KCNC3: variants seen among roughly 807,000 people sequenced by gnomAD.
KCNC3 encodes potassium voltage-gated channel subfamily C member 3, also known as voltage-gated potassium channel KCNC3.
Under a neutral mutation model 43.9 loss-of-function variants are expected in KCNC3, and 22 were observed. The observed-to-expected ratio is 0.50, with a 90% confidence interval of 0.36 to 0.72. The LOEUF is 0.72. Among genes scored for constraint, KCNC3 ranks in the 30% least tolerant of loss-of-function variants. The probability of loss-of-function intolerance (pLI) is 0.00; values close to 1 mark genes in which losing one functional copy is unlikely to be tolerated. For missense variants in KCNC3, 829 were observed against 1,073.8 expected, an observed-to-expected ratio of 0.77 and a Z score of 3.19; for synonymous variants, 492 against 488.0, an observed-to-expected ratio of 1.01 and a Z score of -0.11.
intron 4 of KCNC3, among the ~76,000 whole-genome samples, chr19:50,319,437 C>T (rs1356393665): frequency 1.3e-5 from 2 of 152,126 alleles, no homozygotes; most frequent in East Asian, 1.9e-4. Context: ...CCTCTCAGCC[C>T]GGTGCCTGCC....
intron 4 of KCNC3, among the ~76,000 whole-genome samples, chr19:50,316,532 G>A (rs1258236850): frequency 1.3e-5 from 2 of 152,116 alleles, no homozygotes; most frequent in African/African-American, 4.8e-5. Flanking sequence ...CTTGAGTCCA[G>A]GAGTTCGAGA....
rs1243979135 is a variant in KCNC3 at position 50,320,842 on chromosome 19, C to T, written c.1979-58G>A. ...AGGAGAGAGTGAGGTGCGGTGAACACGCGGTGGGGCAAGATGTCTGCGAGG... is the reference window on the plus strand; with the variant it reads ...AGGAGAGAGTGAGGTGCGGTGAACATGCGGTGGGGCAAGATGTCTGCGAGG... On this transcript the variant is annotated intron_variant, in intron 2 of 4. Transcript: ENST00000477616. 1.2e-5 allele frequency: 18 copies of T among 1,535,164 alleles called. No individual in the cohort carries two copies. In the Admixed American group the frequency reaches 1.4e-4, roughly 12 times the overall value.
intron 1 of KCNC3, among the ~76,000 whole-genome samples, chr19:50,326,479 C>T (rs551139808): frequency 6.6e-6 from 1 of 152,176 alleles, no homozygotes; most frequent in South Asian, 2.1e-4. Context: ...CTCCAGGCGT[C>T]CCCCCGCTCC....
In KCNC3 at chr19:50,328,607, G is replaced by T; in HGVS notation, c.476C>A (p.Pro159Gln). Residue 159 changes from proline (P) to glutamine (Q), a missense_variant, in exon 1 of 5, where the codon CCA becomes CAA. Physicochemically the swap from Pro to Gln is moderately conservative, Grantham distance 76 (BLOSUM62 -1). Coordinates refer to ENST00000477616, the MANE Select transcript of KCNC3 (RefSeq NM_004977.3). ...NYYRTGKLHCPADVCGPLFEE... is the reference protein window; with the variant it reads ...NYYRTGKLHCQADVCGPLFEE... ...AAACAGGGGCCCGCACACGTCGGCT[G>T]GGCAGTGCAGCTTGCCGGTGCGGTA... The T allele has an allele frequency of 6.2e-7, 1 of 1,611,426 alleles. No individual in the cohort carries two copies. The highest frequency in any genetic ancestry group is 8.5e-7 in the Non-Finnish European group (1 of 1,179,494).
At chr19:50,320,066 G>T (rs2037006723) in intron 4 of KCNC3, among the ~76,000 whole-genome samples, 157 bp downstream of exon 4, 1 of 144,544 alleles carries the variant, frequency 6.9e-6, no homozygotes, top group Non-Finnish European at 1.5e-5. Flanking sequence ...GGTGGGTGTG[G>T]GGTCAGTGTC....
In KCNC3 at chr19:50,323,869, C is replaced by T. The variant is rs1289747344; in HGVS notation, c.1084G>A (p.Glu362Lys). The change falls in exon 2 of 5, where the codon GAG becomes AAG. Residue 362 changes from glutamate (E) to lysine (K), a missense_variant. This residue lies in a region of KCNC3 where 157 missense variants were observed against 293.5 expected (regional missense o/e 0.53). Coordinates refer to ENST00000477616, the MANE Select transcript of KCNC3 (RefSeq NM_004977.3). ...CAGAAGGTGATGCGCATGAGGAACT[C>T]GAAGGTGAACCAGACCACGCACACC... ...EGVCVVWFTF[E>K]FLMRITFCPD... is the part of the protein sequence containing the mutation. 6 of 1,614,132 alleles carry T rather than the reference C, an allele frequency of 3.7e-6. No individual in the cohort carries two copies. Among genetic ancestry groups the T allele is most frequent in the South Asian group, 1.1e-5 (1 of 91,082 alleles).
chr19:50,325,455 A>C (rs2037090777), intron 1 of KCNC3, among the ~76,000 whole-genome samples: 1 of 151,464 alleles, frequency 6.6e-6, no homozygotes, highest in Non-Finnish European at 1.5e-5. Context: ...CTTCCTCCAC[A>C]GGGGTTGGGC....
rs556805798 is a variant in KCNC3 at position 50,323,089 on chromosome 19, C to A, written c.1864G>T (p.Gly622Trp). 7 of 1,540,220 alleles carry A rather than the reference C, an allele frequency of 4.5e-6. No individual in the cohort carries two copies. The highest frequency in any genetic ancestry group is 6.1e-6 in the Non-Finnish European group (7 of 1,144,274). The part of the protein sequence containing the change: ...AYPAGPHTHP[G>W]LLRGGAGGLG... ...CCACCCGCTCCCCCCCTGAGCAGCCCGGGGTGCGTGTGGGGCCCCGCTGGG... is the reference window on the plus strand; with the variant it reads ...CCACCCGCTCCCCCCCTGAGCAGCCAGGGGTGCGTGTGGGGCCCCGCTGGG... The change falls in exon 2 of 5, where the codon GGG (glycine) becomes TGG (tryptophan). Residue 622 changes from glycine to tryptophan, a missense_variant. Around this residue, in one of 7 missense-constraint regions of KCNC3, gnomAD observed 308 missense variants for 276.2 expected, o/e 1.11. Coordinates refer to ENST00000477616, the MANE Select transcript of KCNC3 (RefSeq NM_004977.3).
intron 4 of KCNC3, among the ~76,000 whole-genome samples, chr19:50,318,738 G>A (rs1296932211): frequency 3.3e-5 from 5 of 152,094 alleles, no homozygotes; most frequent in African/African-American, 9.7e-5. Flanking sequence ...GCAGATTCAC[G>A]CTTTGTTTTA....
At chr19:50,330,474 G>A (rs554159085), upstream of KCNC3, among the ~76,000 whole-genome samples, 20 of 152,144 alleles carry the variant, frequency 1.3e-4, no homozygotes, top group African/African-American at 4.8e-4. Context: ...GCTGGATGGA[G>A]GGGAGGGACC....
At position 50,329,116 on chromosome 19, in the gene KCNC3, C is replaced by G. The variant is rs1446728227; in HGVS notation, c.-34G>C. Reference sequence around the variant, plus strand: ...GGGCGGGGCGGGAGGGGCGGGGACGCAGGGGCGGGGACACGGGGGGAGAGA... The same window carrying G: ...GGGCGGGGCGGGAGGGGCGGGGACGGAGGGGCGGGGACACGGGGGGAGAGA... On this transcript the variant is annotated 5_prime_UTR_variant, in exon 1 of 5. Transcript: ENST00000477616. 2 of 92,220 alleles carry G rather than the reference C, an allele frequency of 2.2e-5. No homozygotes were observed. Among genetic ancestry groups the G allele is most frequent in the Admixed American group, 2.0e-4 (1 of 5,070 alleles). The allele number at this position is 92,220 out of a possible 1,614,324, so 5.7% of individuals were successfully genotyped here.
chr19:50,323,527 G>A lies in KCNC3; in HGVS notation c.1426C>T (p.Pro476Ser). ...TGGTTGGAGCCCAGGATGTCATCGG[G>A]GTCGGCGCCAATGCGCTCAGCGTAG... The part of the protein sequence containing the change: ...IYYAERIGAD[P>S]DDILGSNHTY... The change falls in exon 2 of 5, where the codon CCC becomes TCC. Residue 476 changes from proline to serine, a missense_variant. Transcript: ENST00000477616. 6.2e-7 allele frequency: 1 copy of A among 1,614,212 alleles called. No individual in the cohort carries two copies. The highest frequency in any genetic ancestry group is 8.5e-7 in the Non-Finnish European group (1 of 1,180,040).
At chr19:50,322,675 C>G (rs1057472498) in intron 2 of KCNC3, among the ~76,000 whole-genome samples, 12 of 152,136 alleles carry the variant, frequency 7.9e-5, no homozygotes, top group African/African-American at 2.9e-4. Flanking sequence ...CTTTCTGTGT[C>G]TCTCTGAGCC....
At chr19:50,326,730 A>G (rs1351705203) in intron 1 of KCNC3, among the ~76,000 whole-genome samples, 5 of 151,632 alleles carry the variant, frequency 3.3e-5, no homozygotes, top group African/African-American at 4.9e-5. Flanking sequence ...GTAGGAGGAA[A>G]TGGTTCAGGA....
upstream of KCNC3, among the ~76,000 whole-genome samples, chr19:50,331,886 C>T (rs1413239624): frequency 6.6e-6 from 1 of 152,104 alleles, no homozygotes; most frequent in African/African-American, 2.4e-5. Flanking sequence ...TCAGACCCCC[C>T]ATCACCCTCT....
chr19:50,326,564 G>A (rs912966167), intron 1 of KCNC3, among the ~76,000 whole-genome samples: 12 of 152,094 alleles, frequency 7.9e-5, no homozygotes, highest in African/African-American at 2.7e-4. Flanking sequence ...GGGGGAGGGG[G>A]CCAAGACCTG....
In KCNC3 at chr19:50,323,193, G is replaced by C. The variant is rs554197864; in HGVS notation, c.1760C>G (p.Pro587Arg). Residue 587 changes from proline (P) to arginine (R), a missense_variant, in exon 2 of 5, where the codon CCG becomes CGG. Coordinates refer to ENST00000477616, the MANE Select transcript of KCNC3 (RefSeq NM_004977.3). ...GCTGATGCCCCCGCTGCCGTGGTGC[G>C]GGTGGGGCGGGGGTGGCGGGGGTGG... ...PDPPPPPPPH[P>R]HHGSGGISPP... is the part of the protein sequence containing the mutation. 3.5e-5 allele frequency: 53 copies of C among 1,523,106 alleles called. No individual in the cohort carries two copies. The Middle Eastern group carries it at 6.9e-4, about 20-fold the overall frequency. 94.3% of individuals were successfully genotyped at this position (1,523,106 alleles called of 1,614,324 possible). A position where few individuals can be genotyped will look rare whatever the true frequency, so the allele number is the denominator to read the frequency against.
intron 4 of KCNC3, among the ~76,000 whole-genome samples, chr19:50,318,991 C>CAAAAAAAAAAAAAAAAAAAAAAAA (rs11326559): frequency 5.6e-5 from 4 of 71,456 alleles, no homozygotes; most frequent in Non-Finnish European, 9.5e-5. Flanking sequence ...AAGACAGTCT[C>CAAAAAAAAAAAAAAAAAAAAAAAA]AAAAAAAAAA....
intron 2 of KCNC3, among the ~76,000 whole-genome samples, chr19:50,322,423 T>G (rs560240621): frequency 6.6e-6 from 1 of 152,252 alleles, no homozygotes; most frequent in South Asian, 2.1e-4. Context: ...GAAGTCTGTC[T>G]GCCTCTTGGG....
Sources: gnomAD v4.1 joint callset for allele counts (sites outside exome capture counted in the v4.1 genomes callset) on GRCh38, gnomAD v4.1.1 for gene constraint, gnomAD v4.1.1 regional missense constraint, MANE v1.5 for transcripts, NCBI Gene and HGNC (gene_info 2026-07-23, HGNC 2026-07-21) for gene names.